Variants in SLC38A1 observed in about 807,000 individuals in gnomAD.
The protein encoded by SLC38A1 is solute carrier family 38 member 1.
Under a neutral mutation model 60.3 loss-of-function variants are expected in SLC38A1, and 18 were observed. The ratio of observed to expected loss-of-function variants is 0.30; its 90% confidence interval spans 0.21 to 0.44. SLC38A1 has a LOEUF of 0.44. Ranked by LOEUF, SLC38A1 falls within the 20% of genes least tolerant of loss-of-function variation. The pLI is 1.00. For synonymous variants in SLC38A1, 196 were observed against 212.1 expected (o/e 0.92, Z 0.66); for missense variants, 448 against 587.2 (o/e 0.76, Z 2.45).
intron 13 of SLC38A1, among the ~76,000 whole-genome samples, chr12:46,199,919 A>G (rs1464177457): frequency 6.6e-6 from 1 of 152,178 alleles, no homozygotes; most frequent in Non-Finnish European, 1.5e-5. Context: ...TATAATACCA[A>G]TCTCACTAGT....
intron 13 of SLC38A1, 88 bp downstream of exon 13, chr12:46,201,010 G>T: frequency 1.1e-6 from 1 of 939,516 alleles, no homozygotes; most frequent in Non-Finnish European, 1.6e-6. Flanking sequence ...TGCTTTCTTT[G>T]CCTTTCATGT....
At chr12:46,203,125 A>C in intron 11 of SLC38A1, 36 bp from the exon 12 acceptor site, 1 of 1,546,064 alleles carries the variant, frequency 6.5e-7, no homozygotes, top group Non-Finnish European at 8.9e-7. Context: ...TAGGAAAAAC[A>C]CTTTTACCAT....
At chr12:46,222,909 G>C (rs1283069595) in intron 5 of SLC38A1, among the ~76,000 whole-genome samples, 1 of 152,138 alleles carries the variant, frequency 6.6e-6, no homozygotes, top group African/African-American at 2.4e-5. Context: ...ACTTGATATT[G>C]CCAAGCTGTT....
intron 8 of SLC38A1, among the ~76,000 whole-genome samples, chr12:46,206,860 G>A (rs1415435377): frequency 6.6e-6 from 1 of 152,112 alleles, no homozygotes; most frequent in Non-Finnish European, 1.5e-5. Context: ...TAAAAATACT[G>A]CATATCTGTT....
chr12:46,208,279 C>T (rs1046474542), intron 6 of SLC38A1, among the ~76,000 whole-genome samples: 1 of 152,200 alleles, frequency 6.6e-6, no homozygotes. Flanking sequence ...AATACTGAAA[C>T]TCTAAAGCAT....
intron 1 of SLC38A1, among the ~76,000 whole-genome samples, chr12:46,252,478 A>G (rs1026030149): frequency 1.3e-5 from 2 of 152,032 alleles, no homozygotes; most frequent in Non-Finnish European, 2.9e-5. Flanking sequence ...CTAGAACTAT[A>G]ATATATATAC....
chr12:46,210,530 G>A (rs1269953607), intron 5 of SLC38A1, among the ~76,000 whole-genome samples: 4 of 152,174 alleles, frequency 2.6e-5, no homozygotes, highest in Non-Finnish European at 5.9e-5. Flanking sequence ...TGAGTGAGGA[G>A]GCTGATTGAT....
intron 1 of SLC38A1, among the ~76,000 whole-genome samples, chr12:46,254,345 AAC>A (rs1210249089): frequency 1.3e-5 from 2 of 152,006 alleles, no homozygotes; most frequent in East Asian, 3.9e-4. Flanking sequence ...TAATTCTTGA[AAC>A]ACAGTTTCTC....
At chr12:46,225,057 A>G (rs1198314251) in intron 5 of SLC38A1, among the ~76,000 whole-genome samples, 2 of 152,086 alleles carry the variant, frequency 1.3e-5, no homozygotes, top group African/African-American at 4.8e-5. Flanking sequence ...CAGTAAAAAG[A>G]TTTTTTTTAA....
At chr12:46,210,276 G>T (rs1940099306) in intron 5 of SLC38A1, among the ~76,000 whole-genome samples, 1 of 152,130 alleles carries the variant, frequency 6.6e-6, no homozygotes, top group African/African-American at 2.4e-5. Flanking sequence ...TGCATACGGG[G>T]CAACCATGAG....
At chr12:46,245,325 A>C (rs577837565) in intron 1 of SLC38A1, among the ~76,000 whole-genome samples, 111 of 152,348 alleles carry the variant, frequency 7.3e-4, no homozygotes, top group Non-Finnish European at 1.3e-3. Context: ...CATTTCTCCA[A>C]AGAATACATA....
intron 3 of SLC38A1, among the ~76,000 whole-genome samples, chr12:46,234,475 T>C (rs1941188283): frequency 6.8e-6 from 1 of 147,728 alleles, no homozygotes; most frequent in African/African-American, 2.6e-5. Flanking sequence ...TGAGACGGAG[T>C]CTCTGTCTTT....
chr12:46,210,616 C>G (rs953686083), intron 5 of SLC38A1, among the ~76,000 whole-genome samples: 1 of 152,128 alleles, frequency 6.6e-6, no homozygotes, highest in Admixed American at 6.6e-5. Flanking sequence ...TTGGGAGGGA[C>G]CCGGTGGGAG....
chr12:46,248,705 C>G (rs1211835520), intron 1 of SLC38A1, among the ~76,000 whole-genome samples: 1 of 152,172 alleles, frequency 6.6e-6, no homozygotes, highest in Non-Finnish European at 1.5e-5. Flanking sequence ...CACCCCAAAT[C>G]AACAAAATAT....
intron 1 of SLC38A1, among the ~76,000 whole-genome samples, chr12:46,259,085 T>C (rs1942120908): frequency 6.6e-6 from 1 of 152,220 alleles, no homozygotes; most frequent in Non-Finnish European, 1.5e-5. Flanking sequence ...ATGATGGATA[T>C]ATTAATTTTC....
intron 1 of SLC38A1, among the ~76,000 whole-genome samples, chr12:46,263,857 G>A (rs1237402702): frequency 6.6e-6 from 1 of 152,182 alleles, no homozygotes; most frequent in Non-Finnish European, 1.5e-5. Context: ...AGTAAAATCA[G>A]GGGGAAAAGT....
intron 5 of SLC38A1, among the ~76,000 whole-genome samples, chr12:46,222,334 C>T (rs1940692951): frequency 6.6e-6 from 1 of 152,048 alleles, no homozygotes; most frequent in South Asian, 2.1e-4. Context: ...TTCTCACTCT[C>T]CAGAAGTAAC....
intron 13 of SLC38A1, among the ~76,000 whole-genome samples, chr12:46,199,655 G>A (rs1416423818): frequency 6.6e-6 from 1 of 151,730 alleles, no homozygotes; most frequent in South Asian, 2.1e-4. Flanking sequence ...CACCGTACCT[G>A]GCCTTATGTA....
Position 46,268,514 on chromosome 12 carries a change from T to C in SLC38A1, c.-209+12A>G, listed in dbSNP as rs183244173. The C allele has an allele frequency of 9.6e-4, 157 of 162,802 alleles. No individual in the cohort carries two copies. Among genetic ancestry groups the C allele is most frequent in the Admixed American group, 2.5e-3 (40 of 15,982 alleles). The allele number at this position is 162,802 out of a possible 1,614,324, so 10.1% of individuals were successfully genotyped here. A position where few individuals can be genotyped will look rare whatever the true frequency, so the allele number is the denominator to read the frequency against. On this transcript the variant is annotated intron_variant, in intron 1 of 16. Transcript: ENST00000398637. This position sits in a 1 kb window ranked among gnomAD's most constrained non-coding sequence, Gnocchi z 4.4. ...TCGCCCAGCCCTCCCCGGGAACGGA[T>C]AATCACCTTACCTCCGGAAATAAAG... is the stretch of plus-strand genomic sequence containing the variant.
Sources: allele counts gnomAD v4.1 joint callset (sites outside exome capture counted in the v4.1 genomes callset), GRCh38; gene constraint gnomAD v4.1.1; non-coding constraint Gnocchi (gnomAD v3.1); transcripts MANE v1.5; gene names NCBI Gene and HGNC (gene_info 2026-07-23, HGNC 2026-07-21).